Variants in CNIH1 observed in about 807,000 individuals in gnomAD.
CNIH1 encodes protein cornichon homolog 1.
CNIH1 carries 12 observed loss-of-function variants against 20.2 expected under a neutral mutation model. The ratio of observed to expected loss-of-function variants is 0.59; its 90% CI spans 0.38 to 0.96. CNIH1 has a LOEUF of 0.96. Among genes scored for constraint, CNIH1 ranks in the 40% least tolerant of loss-of-function variants. The pLI, the probability that CNIH1 is intolerant of heterozygous loss-of-function variation, is 0.00. For synonymous variants in CNIH1, 69 were observed against 63.3 expected, an observed-to-expected ratio of 1.09 and a Z score of -0.43; for missense variants, 152 against 178.8, an observed-to-expected ratio of 0.85 and a Z score of 0.85.
At chr14:54,438,286 A>AT (rs1279773937) in intron 1 of CNIH1, among the ~76,000 whole-genome samples, 2 of 152,142 alleles carry the variant, frequency 1.3e-5, no homozygotes, top group African/African-American at 4.8e-5. Flanking sequence ...GGTCACAGGG[A>AT]TTTTTTAACT....
In CNIH1 at chr14:54,424,879, C is replaced by G. The variant is rs2030795549; in HGVS notation, c.*2935G>C. The G allele has an allele frequency of 6.6e-6, 1 of 152,042 alleles. No homozygotes were observed. Among genetic ancestry groups the G allele is most frequent in the Non-Finnish European group, 1.5e-5 (1 of 68,002 alleles). The allele number at this position is 152,042 out of a possible 1,614,324, so 9.4% of individuals were successfully genotyped here. ...TGGTACAATCAGTGAGGCTAGGAAACTATTACTTATACTCGATCCATACTC... is the reference window on the plus strand; with the variant it reads ...TGGTACAATCAGTGAGGCTAGGAAAGTATTACTTATACTCGATCCATACTC... On this transcript the variant is annotated 3_prime_UTR_variant, in exon 5 of 5. Coordinates refer to ENST00000216416, the MANE Select transcript of CNIH1 (RefSeq NM_005776.3).
intron 1 of CNIH1, among the ~76,000 whole-genome samples, chr14:54,438,048 C>T (rs1361503592): frequency 1.3e-5 from 2 of 151,298 alleles, no homozygotes; most frequent in African/African-American, 4.9e-5. Flanking sequence ...GGCACAATCT[C>T]GGCTCACTGC....
intron 1 of CNIH1, chr14:54,436,874 A>C: frequency 2.5e-6 from 1 of 401,624 alleles, no homozygotes; most frequent in Non-Finnish European, 4.8e-6. Flanking sequence ...ACATCTCCAC[A>C]CAGCATGGGA....
At chr14:54,430,775 T>A (rs1286697071) in intron 3 of CNIH1, among the ~76,000 whole-genome samples, 1 of 152,164 alleles carries the variant, frequency 6.6e-6, no homozygotes, top group Non-Finnish European at 1.5e-5. Context: ...CTATATTTGC[T>A]TTCTCCTTCT....
chr14:54,440,787 T>C (rs903335428), intron 1 of CNIH1, among the ~76,000 whole-genome samples: 1 of 152,230 alleles, frequency 6.6e-6, no homozygotes, highest in African/African-American at 2.4e-5. Flanking sequence ...AAATTCACCC[T>C]AAGTAGGTTA....
rs560365619 is a variant in CNIH1 at position 54,428,077 on chromosome 14, C to T, written c.408-236G>A. ...CTTCCAATTTTAGCAAGTAGAACGG[C>T]ACAGCTGAAAGCTTAATGGCGGATC... On this transcript the variant is annotated intron_variant, in intron 4 of 4. Coordinates refer to ENST00000216416, the MANE Select transcript of CNIH1 (RefSeq NM_005776.3). 3.9e-5 allele frequency among the ~76,000 whole-genome samples: 6 copies of T among 152,268 alleles called. 1 individual carries two copies. The highest frequency in any genetic ancestry group is 3.4e-3 in the Middle Eastern group (1 of 294).
chr14:54,428,487 T>G (rs917915129), intron 4 of CNIH1, among the ~76,000 whole-genome samples: 5 of 152,234 alleles, frequency 3.3e-5, no homozygotes, highest in Admixed American at 2.0e-4. Flanking sequence ...CACATAACTC[T>G]AAACAGAAAT....
At chr14:54,436,335 A>G (rs1246685173) in intron 2 of CNIH1, 34 bp downstream of exon 2, 1 of 1,203,322 alleles carries the variant, frequency 8.3e-7, no homozygotes, top group South Asian at 1.3e-5. Flanking sequence ...ACATATTTTT[A>G]AAATCTAAAG....
chr14:54,432,569 T>C (rs941099378), intron 2 of CNIH1, among the ~76,000 whole-genome samples: 1 of 152,256 alleles, frequency 6.6e-6, no homozygotes, highest in East Asian at 1.9e-4. Flanking sequence ...CATTCAACAA[T>C]GATAGAAGTA....
chr14:54,441,185 C>T, intron 1 of CNIH1, 62 bp downstream of exon 1: 1 of 1,432,956 alleles, frequency 7.0e-7, no homozygotes, highest in Non-Finnish European at 9.3e-7. Context: ...GGACCGCGGG[C>T]CCGGGGCGAA....
chr14:54,433,157 T>C (rs938066934), intron 2 of CNIH1, among the ~76,000 whole-genome samples: 2 of 152,218 alleles, frequency 1.3e-5, no homozygotes, highest in Non-Finnish European at 2.9e-5. Flanking sequence ...AAACCTCTCA[T>C]TGCAAGTTTC....
At chr14:54,430,889 T>C (rs1022780913) in intron 3 of CNIH1, among the ~76,000 whole-genome samples, 5 of 152,170 alleles carry the variant, frequency 3.3e-5, no homozygotes, top group Admixed American at 2.0e-4. Context: ...TGCAATATAG[T>C]GGTGCAATCT....
At chr14:54,436,787 T>TA (rs748080549) in intron 1 of CNIH1, 7,559 of 342,342 alleles carry the variant, frequency 0.022, 1 homozygote, top group South Asian at 0.029. Flanking sequence ...CTCTTTATCC[T>TA]AAAAAAAAAA....
intron 1 of CNIH1, among the ~76,000 whole-genome samples, chr14:54,439,024 G>C (rs2031112746): frequency 6.6e-6 from 1 of 152,128 alleles, no homozygotes; most frequent in Admixed American, 6.5e-5. Flanking sequence ...CAGATGCCCA[G>C]TCTTATAGTC....
intron 1 of CNIH1, among the ~76,000 whole-genome samples, chr14:54,439,694 C>G (rs1282293775): frequency 1.3e-5 from 2 of 151,910 alleles, no homozygotes; most frequent in Non-Finnish European, 2.9e-5. Context: ...GGATTACAGG[C>G]GCCCACCACC....
intron 2 of CNIH1, among the ~76,000 whole-genome samples, chr14:54,433,899 TCTC>T (rs2030997556): frequency 1.3e-5 from 2 of 152,104 alleles, no homozygotes; most frequent in African/African-American, 4.8e-5. Flanking sequence ...TTCCCTCCCT[TCTC>T]CTCAAAAGGA....
At chr14:54,430,500 G>A in intron 3 of CNIH1, 96 bp from the exon 4 acceptor site, 1 of 1,154,708 alleles carries the variant, frequency 8.7e-7, no homozygotes, top group Non-Finnish European at 1.2e-6. Flanking sequence ...TACGAGAGGT[G>A]GTCCATAAAG....
intron 1 of CNIH1, among the ~76,000 whole-genome samples, chr14:54,439,891 C>A (rs1024920335): frequency 1.3e-5 from 2 of 152,118 alleles, no homozygotes; most frequent in African/African-American, 4.8e-5. Context: ...TAAGGTTGAG[C>A]TAGTCTGTAT....
intron 1 of CNIH1, among the ~76,000 whole-genome samples, chr14:54,439,445 C>T (rs2031122331): frequency 6.6e-6 from 1 of 152,062 alleles, no homozygotes; most frequent in Non-Finnish European, 1.5e-5. Context: ...AAGCCTACCC[C>T]ACCACTCTAA....
Sources: allele counts gnomAD v4.1 joint callset (sites outside exome capture counted in the v4.1 genomes callset), GRCh38; gene constraint gnomAD v4.1.1; transcripts MANE v1.5; gene names NCBI Gene and HGNC (gene_info 2026-07-23, HGNC 2026-07-21).